The following CDC25C variants were observed in gnomAD, a reference collection of about 807,000 sequenced individuals.
The protein encoded by CDC25C is cell division cycle 25C.
A neutral mutation model predicts 52.5 loss-of-function variants in CDC25C; 48 were observed. That is an observed-to-expected ratio of 0.91 (90% CI 0.72 to 1.16). The LOEUF (loss-of-function observed/expected upper bound fraction) is 1.16, where lower values mean the gene tolerates loss of function less well. Ranked by LOEUF, CDC25C falls within the 50% of genes most tolerant of loss-of-function variation. The pLI, the probability that CDC25C is intolerant of heterozygous loss-of-function variation, is 0.00. For missense variants in CDC25C, 510 were observed against 566.1 expected (o/e 0.90, Z 1.01); for synonymous variants, 187 against 206.5 (o/e 0.91, Z 0.81).
chr5:138,289,445 G>A (rs908978933), intron 10 of CDC25C, 56 bp downstream of exon 10: 13 of 1,270,698 alleles, frequency 1.0e-5, no homozygotes, highest in East Asian at 2.3e-5. Flanking sequence ...TTTAGGGACA[G>A]AAGAGACCAG....
chr5:138,330,902 G>T, intron 2 of CDC25C, 85 bp downstream of exon 2: 1 of 944,648 alleles, frequency 1.1e-6, no homozygotes, highest in Non-Finnish European at 1.7e-6. Flanking sequence ...CTTTGAGCCG[G>T]GATAATTGAA....
At chr5:138,326,900 C>T (rs1759909623) in intron 4 of CDC25C, among the ~76,000 whole-genome samples, 2 of 139,536 alleles carry the variant, frequency 1.4e-5, no homozygotes, top group Non-Finnish European at 1.5e-5. Context: ...TGTGGTGAGC[C>T]GAGATCGCGC....
chr5:138,295,764 A>C lies in CDC25C; in HGVS notation c.616-3648T>G, dbSNP rs1319784601. ...CTTTAGTTCTGTCTAGCTAGTTAGA[A>C]GTTTCCCAGTTCCCAGAAGCTGGTG... On this transcript the variant is annotated intron_variant, in intron 7 of 13. Transcript: ENST00000323760. 2.0e-5 allele frequency among the ~76,000 whole-genome samples: 3 copies of C among 152,186 alleles called. No homozygotes were observed. In the East Asian group the frequency reaches 5.8e-4, roughly 29 times the overall value.
chr5:138,337,896 G>A, intron 1 of CDC25C: 1 of 1,207,588 alleles, frequency 8.3e-7, no homozygotes. Context: ...CCCGAACCGA[G>A]TGGGAGGCTG....
In CDC25C at chr5:138,325,899, C is replaced by A; in HGVS notation, c.375G>T (p.Gln125His). The A allele has an allele frequency of 7.4e-6, 12 of 1,614,044 alleles. No individual in the cohort carries two copies. The highest frequency in any genetic ancestry group is 1.0e-5 in the Non-Finnish European group (12 of 1,179,936). Reference sequence around the variant, plus strand: ...AACCATTCGGAGTGCTACAAAGAAGCTGTGCCTAAAAAAGAGAGTTTGCTG... The same window carrying A: ...AACCATTCGGAGTGCTACAAAGAAGATGTGCCTAAAAAAGAGAGTTTGCTG... ...DQHLMKCSPA[Q>H]LLCSTPNGLD... The change falls in exon 6 of 14, where the codon CAG becomes CAT. Residue 125 changes from glutamine (Q) to histidine (H), a missense_variant. Transcript: ENST00000323760.
intron 7 of CDC25C, among the ~76,000 whole-genome samples, chr5:138,306,818 A>C (rs1316713875): frequency 1.3e-5 from 2 of 150,120 alleles, no homozygotes; most frequent in African/African-American, 4.9e-5. Flanking sequence ...GTAAAACAGT[A>C]ACAAAAAAAA....
intron 9 of CDC25C, among the ~76,000 whole-genome samples, chr5:138,290,284 A>G (rs923900533): frequency 6.6e-5 from 10 of 152,228 alleles, no homozygotes; most frequent in South Asian, 2.1e-4. Context: ...TAGGGGGGAA[A>G]AAAAGAGTAT....
intron 7 of CDC25C, among the ~76,000 whole-genome samples, chr5:138,292,597 T>TAGCAAAAGA (rs1756840891): frequency 7.5e-6 from 1 of 132,594 alleles, no homozygotes; most frequent in African/African-American, 2.9e-5. Context: ...AGAAGAAAAA[T>TAGCAAAAGA]AGCAAAAGAA....
At chr5:138,324,430 C>G (rs1035239035) in intron 6 of CDC25C, among the ~76,000 whole-genome samples, 11 of 151,862 alleles carry the variant, frequency 7.2e-5, no homozygotes, top group African/African-American at 2.4e-4. Flanking sequence ...ATAGTGAGAC[C>G]CTTATTTCTA....
At chr5:138,323,528 A>T (rs573149778) in intron 6 of CDC25C, among the ~76,000 whole-genome samples, 273 of 151,034 alleles carry the variant, frequency 1.8e-3, no homozygotes, top group Non-Finnish European at 3.0e-3. Context: ...CAGCTAGGGA[A>T]CTCAAAGTCC....
intron 4 of CDC25C, among the ~76,000 whole-genome samples, chr5:138,327,292 G>A (rs1212961319): frequency 7.0e-6 from 1 of 143,150 alleles, no homozygotes; most frequent in Non-Finnish European, 1.5e-5. Context: ...TCCCTCCATG[G>A]ATTTCATTAT....
intron 7 of CDC25C, among the ~76,000 whole-genome samples, chr5:138,300,943 A>T (rs1044449094): frequency 2.0e-5 from 3 of 152,200 alleles, no homozygotes; most frequent in African/African-American, 4.8e-5. Context: ...AGGAAATTGG[A>T]AAGTATTTTG....
chr5:138,319,488 A>G, intron 6 of CDC25C, 114 bp from the exon 7 acceptor site: 1 of 760,290 alleles, frequency 1.3e-6, no homozygotes, highest in South Asian at 2.7e-5. Context: ...AATTCATGAC[A>G]CTGGATTTGG....
chr5:138,285,599 ATCT>A lies in CDC25C; in HGVS notation c.*90_*92del. 2 of 1,154,604 alleles carry A rather than the reference ATCT, an allele frequency of 1.7e-6. No homozygotes were observed. Among genetic ancestry groups the A allele is most frequent in the East Asian group, 2.3e-5 (1 of 42,642 alleles). 71.5% of individuals were successfully genotyped at this position (1,154,604 alleles called of 1,614,324 possible). On this transcript the variant is annotated 3_prime_UTR_variant, in exon 14 of 14. Coordinates refer to ENST00000323760, the MANE Select transcript of CDC25C (RefSeq NM_001790.5). ...TGGTTTGCAGAGACATCTTTTAATA[ATCT>A]TGGGTTTGGCCATCCAGAAGGCCTC...
At chr5:138,313,996 T>TTTCC (rs745973255) in intron 7 of CDC25C, among the ~76,000 whole-genome samples, 27 of 63,758 alleles carry the variant, frequency 4.2e-4, no homozygotes, top group African/African-American at 1.3e-3. Flanking sequence ...TCTTTCTTTC[T>TTTCC]TTTTTTTTTT....
chr5:138,289,166 C>T (rs1248646777), intron 10 of CDC25C, among the ~76,000 whole-genome samples: 1 of 152,050 alleles, frequency 6.6e-6, no homozygotes, highest in Non-Finnish European at 1.5e-5. Context: ...GGGGTTTCGC[C>T]ATGTTGGCCA....
chr5:138,337,741 T>C (rs1014086126), intron 1 of CDC25C: 7 of 345,526 alleles, frequency 2.0e-5, no homozygotes, highest in Non-Finnish European at 3.9e-5. Context: ...CAGGCCCTAA[T>C]CCGCGCTTGG....
intron 6 of CDC25C, among the ~76,000 whole-genome samples, chr5:138,321,554 G>C (rs200619060): frequency 6.6e-6 from 1 of 151,420 alleles, no homozygotes; most frequent in African/African-American, 2.4e-5. Context: ...GAGATCGAGA[G>C]CATCCTGGCC....
intron 6 of CDC25C, among the ~76,000 whole-genome samples, chr5:138,320,536 T>C (rs149874450): frequency 3.4e-3 from 510 of 152,026 alleles, no homozygotes; most frequent in Non-Finnish European, 4.9e-3. Context: ...AATGAAAATA[T>C]AGGCTGGACG....
Sources: allele counts gnomAD v4.1 joint callset (sites outside exome capture counted in the v4.1 genomes callset), GRCh38; gene constraint gnomAD v4.1.1; transcripts MANE v1.5; gene names NCBI Gene and HGNC (gene_info 2026-07-23, HGNC 2026-07-21).